Variants in PSD3 observed in about 807,000 individuals in gnomAD.
The protein encoded by PSD3 is pleckstrin and Sec7 domain containing 3.
A neutral mutation model predicts 105.5 loss-of-function variants in PSD3; 49 were observed. The observed-to-expected ratio is 0.46, with a 90% CI of 0.37 to 0.59. The LOEUF is 0.59. Ranked by LOEUF, PSD3 falls within the 20% of genes least tolerant of loss-of-function variation. The probability of loss-of-function intolerance (pLI) is 0.00; values close to 1 mark genes in which losing one functional copy is unlikely to be tolerated. For synonymous variants in PSD3, 557 were observed against 457.8 expected (o/e 1.22, Z -2.77); for missense variants, 1,561 against 1,263.8 (o/e 1.24, Z -3.57).
At chr8:19,002,295 C>T (rs1586610850) in intron 1 of PSD3, among the ~76,000 whole-genome samples, 1 of 152,002 alleles carries the variant, frequency 6.6e-6, no homozygotes, top group East Asian at 1.9e-4. Context: ...CCCCGTCTTC[C>T]TTGTGAGTTG....
chr8:19,001,702 A>G (rs1459847928), intron 1 of PSD3: 1 of 152,530 alleles, frequency 6.6e-6, no homozygotes, highest in Non-Finnish European at 1.5e-5. Flanking sequence ...GATCTCAAGG[A>G]AAGCTCCAGC....
intron 1 of PSD3, among the ~76,000 whole-genome samples, chr8:18,992,063 G>A (rs774188734): frequency 3.0e-4 from 46 of 152,142 alleles, no homozygotes; most frequent in Non-Finnish European, 8.8e-5. Flanking sequence ...ATTCCATCAT[G>A]AATTCATAAT....
chr8:18,863,417 A>T (rs1161448154), intron 4 of PSD3, among the ~76,000 whole-genome samples: 1 of 152,118 alleles, frequency 6.6e-6, no homozygotes, highest in East Asian at 1.9e-4. Flanking sequence ...GGTCAGCCTG[A>T]GGGCCATGTA....
chr8:18,832,700 T>C (rs547898896), intron 4 of PSD3, among the ~76,000 whole-genome samples: 95 of 152,304 alleles, frequency 6.2e-4, no homozygotes, highest in Non-Finnish European at 7.3e-5. Flanking sequence ...GGGCTCACAC[T>C]TCCACATGGC....
At chr8:18,708,469 AT>A (rs1249771998) in intron 9 of PSD3, among the ~76,000 whole-genome samples, 2 of 151,898 alleles carry the variant, frequency 1.3e-5, no homozygotes, top group African/African-American at 4.8e-5. Context: ...CCACAGAAAA[AT>A]TTCTAACTTT....
chr8:18,773,577 T>C (rs1041425671), intron 8 of PSD3, among the ~76,000 whole-genome samples: 1 of 152,122 alleles, frequency 6.6e-6, no homozygotes, highest in Non-Finnish European at 1.5e-5. Flanking sequence ...GTATAATATA[T>C]AAAAAAATTA....
intron 9 of PSD3, among the ~76,000 whole-genome samples, chr8:18,676,642 C>G (rs77103471): frequency 0.19 from 28,218 of 152,150 alleles, 3,028 homozygotes; most frequent in South Asian, 0.29. Flanking sequence ...CAGCGAGGAG[C>G]CCATCACTCG....
At chr8:18,931,213 A>G (rs1821728203) in intron 2 of PSD3, among the ~76,000 whole-genome samples, 1 of 152,108 alleles carries the variant, frequency 6.6e-6, no homozygotes, top group South Asian at 2.1e-4. Context: ...TTGGATGTCC[A>G]ACACACAATG....
At chr8:18,885,671 T>G (rs1190884786) in intron 2 of PSD3, among the ~76,000 whole-genome samples, 3 of 152,196 alleles carry the variant, frequency 2.0e-5, no homozygotes, top group East Asian at 3.8e-4. Context: ...GTAGTTTTCA[T>G]GCTCAATAAG....
chr8:18,619,237 T>C (rs1414479921), intron 11 of PSD3, among the ~76,000 whole-genome samples: 2 of 152,076 alleles, frequency 1.3e-5, no homozygotes, highest in Non-Finnish European at 2.9e-5. Context: ...CACCTCCTTA[T>C]ATCCACTTCC....
At chr8:18,575,489 C>T (rs917078848) in intron 12 of PSD3, among the ~76,000 whole-genome samples, 13 of 152,110 alleles carry the variant, frequency 8.5e-5, no homozygotes, top group African/African-American at 3.1e-4. Context: ...TGAGAAAATA[C>T]ATCTACCCAA....
intron 11 of PSD3, among the ~76,000 whole-genome samples, chr8:18,613,458 T>C (rs1355035649): frequency 6.6e-6 from 1 of 152,186 alleles, no homozygotes; most frequent in Non-Finnish European, 1.5e-5. Flanking sequence ...ATTTCCTTTT[T>C]CATTTCTGCC....
In PSD3 at chr8:18,534,821, G is replaced by GCACA. The variant is rs777701618; in HGVS notation, c.*918_*921dup. On this transcript the variant is annotated 3_prime_UTR_variant, in exon 16 of 16. Transcript: ENST00000327040. ...TGCCCACACACGCACACACACGCAC[G>GCACA]CACACACACATATGTAGAGTAAGAA... 9.2e-5 allele frequency: 14 copies of GCACA among 152,332 alleles called. No individual in the cohort carries two copies. The highest frequency in any genetic ancestry group is 3.1e-4 in the African/African-American group (13 of 41,422). The allele number at this position is 152,332 out of a possible 1,614,324, so 9.4% of individuals were successfully genotyped here.
At chr8:18,599,686 G>T (rs1199804292) in intron 12 of PSD3, among the ~76,000 whole-genome samples, 1 of 152,064 alleles carries the variant, frequency 6.6e-6, no homozygotes, top group African/African-American at 2.4e-5. Flanking sequence ...ATCAAATGAG[G>T]ACTAATAATA....
chr8:18,546,094 AG>A (rs1800434836), intron 15 of PSD3, among the ~76,000 whole-genome samples: 1 of 152,140 alleles, frequency 6.6e-6, no homozygotes, highest in South Asian at 2.1e-4. Flanking sequence ...TCCACCTCCC[AG>A]GTTCACGCAA....
intron 10 of PSD3, among the ~76,000 whole-genome samples, chr8:18,637,691 T>A (rs913888711): frequency 1.3e-5 from 2 of 152,228 alleles, no homozygotes; most frequent in African/African-American, 4.8e-5. Flanking sequence ...CGAAAGATAC[T>A]GAGTTGTTTC....
At chr8:18,999,469 T>C (rs1490283918) in intron 1 of PSD3, among the ~76,000 whole-genome samples, 1 of 151,862 alleles carries the variant, frequency 6.6e-6, no homozygotes, top group African/African-American at 2.4e-5. Context: ...ATCAGTTGTG[T>C]TTGCACCTGA....
Position 18,528,919 on chromosome 8 carries a change from T to C in PSD3, c.*6824A>G, listed in dbSNP as rs1366342145. The C allele has an allele frequency of 6.6e-6, 1 of 152,452 alleles. No individual in the cohort carries two copies. The highest frequency in any genetic ancestry group is 1.5e-5 in the Non-Finnish European group (1 of 68,066). The allele number at this position is 152,452 out of a possible 1,614,324, so 9.4% of individuals were successfully genotyped here. Reference sequence around the variant, plus strand: ...TTCCTTTCCATTTCCATCCTCGCTGTTGTTGCTGATGGAAAAGTGCTCAAC... The same window carrying C: ...TTCCTTTCCATTTCCATCCTCGCTGCTGTTGCTGATGGAAAAGTGCTCAAC... On this transcript the variant is annotated 3_prime_UTR_variant, in exon 16 of 16. Coordinates refer to ENST00000327040, the MANE Select transcript of PSD3 (RefSeq NM_015310.4).
chr8:18,704,414 T>G (rs1801770074), intron 9 of PSD3, among the ~76,000 whole-genome samples: 1 of 151,986 alleles, frequency 6.6e-6, no homozygotes, highest in African/African-American at 2.4e-5. Flanking sequence ...CTCGGCTCAC[T>G]GAAACTTCTG....
Sources: gnomAD v4.1 joint callset for allele counts (sites outside exome capture counted in the v4.1 genomes callset) on GRCh38, gnomAD v4.1.1 for gene constraint, MANE v1.5 for transcripts, NCBI Gene and HGNC (gene_info 2026-07-23, HGNC 2026-07-21) for gene names.